Variants in DSCAML1 observed in about 807,000 individuals in gnomAD.
DSCAML1 encodes the protein DS cell adhesion molecule like 1.
A neutral mutation model predicts 200.5 loss-of-function variants in DSCAML1; 38 were observed. The observed-to-expected ratio is 0.19, with a 90% CI of 0.15 to 0.25. The LOEUF is 0.25. Ranked by LOEUF, DSCAML1 falls within the 10% of genes least tolerant of loss-of-function variation. The pLI, the probability that DSCAML1 is intolerant of heterozygous loss-of-function variation, is 1.00. For missense variants in DSCAML1, 2,223 were observed against 2,858.8 expected (o/e 0.78, Z 5.07); for synonymous variants, 1,215 against 1,165.0 (o/e 1.04, Z -0.87).
chr11:117,502,887 G>A lies in DSCAML1; in HGVS notation c.2359+958C>T, dbSNP rs117589952. Among the ~76,000 whole-genome samples the A allele has an allele frequency of 8.0e-4, 104 of 130,278 alleles. No individual in the cohort carries two copies. In the East Asian group the frequency reaches 0.021, roughly 27 times the overall value. 85.5% of individuals were successfully genotyped at this position (130,278 alleles called of 152,430 possible). On this transcript the variant is annotated intron_variant, in intron 11 of 32. Coordinates refer to ENST00000651296, the MANE Select transcript of DSCAML1 (RefSeq NM_020693.4). ...GTAGATCAGGAAAATGAAGTAGCAC[G>A]AGGCCAAGTATGCTCATCAAGGTCC...
Position 117,524,793 on chromosome 11 carries a change from TC to T in DSCAML1, c.937+11del. 1 of 1,566,546 alleles carries T rather than the reference TC, an allele frequency of 6.4e-7. No individual in the cohort carries two copies. On this transcript the variant is annotated intron_variant, in intron 5 of 32. Coordinates refer to ENST00000651296, the MANE Select transcript of DSCAML1 (RefSeq NM_020693.4). ...GGTTACTGGGGCTGCAGAAGGGGCT[TC>T]CCCGACTCACCAATGACCATGAGGA...
At chr11:117,455,846 GT>G (rs11327075) in intron 19 of DSCAML1, among the ~76,000 whole-genome samples, 85,032 of 151,244 alleles carry the variant, frequency 0.56, 24,027 homozygotes, top group African/African-American at 0.6. Context: ...AGCTGGGGTG[GT>G]TGTGGAGGAC....
intron 3 of DSCAML1, among the ~76,000 whole-genome samples, chr11:117,656,199 C>T (rs1322867668): frequency 2.6e-5 from 4 of 152,246 alleles, no homozygotes. Flanking sequence ...GATCACGCCA[C>T]TGCACTCCAG....
chr11:117,532,581 A>G (rs1009770323), intron 3 of DSCAML1, 59 bp from the exon 4 acceptor site: 4 of 1,535,420 alleles, frequency 2.6e-6, no homozygotes, highest in Admixed American at 1.9e-5. Context: ...CCTCAGAGGC[A>G]GGGTAGCGTC....
In DSCAML1 at chr11:117,595,059, TACAC is replaced by T. The variant is rs374932790; in HGVS notation, c.512-62541_512-62538del. On this transcript the variant is annotated intron_variant, in intron 3 of 32. Coordinates refer to ENST00000651296, the MANE Select transcript of DSCAML1 (RefSeq NM_020693.4). ...TATAATGATTACTCTGTCTTTCTCT[TACAC>T]ACACACACACACACACACACACACA... Among the ~76,000 whole-genome samples the T allele has an allele frequency of 2.2e-3, 316 of 143,890 alleles. 7 individuals carry two copies. The South Asian group carries it at 0.043, about 19-fold the overall frequency. 94.4% of individuals were successfully genotyped at this position (143,890 alleles called of 152,430 possible). A position where few individuals can be genotyped will look rare whatever the true frequency, so the allele number is the denominator to read the frequency against.
rs12420419 is a variant in DSCAML1 at position 117,638,811 on chromosome 11, T to C, written c.512-106289A>G. On this transcript the variant is annotated intron_variant, in intron 3 of 32. Coordinates refer to ENST00000651296, the MANE Select transcript of DSCAML1 (RefSeq NM_020693.4). ...GGACATTTGTGTTGTTTCTGCTTTT[T>C]GGCTATTAAAAATAATGCTGCTGTG... Among the ~76,000 whole-genome samples, 1,214 of 152,364 alleles carry C rather than the reference T, an allele frequency of 8.0e-3. 16 individuals carry two copies. The highest frequency in any genetic ancestry group is 0.032 in the Admixed American group (485 of 15,306).
At chr11:117,529,255 T>C (rs1416821238) in intron 4 of DSCAML1, among the ~76,000 whole-genome samples, 1 of 152,114 alleles carries the variant, frequency 6.6e-6, no homozygotes, top group Non-Finnish European at 1.5e-5. Flanking sequence ...CGTTTGTATT[T>C]TTAGTAAAGA....
rs118002731 is a variant in DSCAML1 at position 117,777,555 on chromosome 11, C to T, written c.365-618G>A. 1.3e-3 allele frequency among the ~76,000 whole-genome samples: 196 copies of T among 152,316 alleles called. 1 individual carries two copies. The highest frequency in any genetic ancestry group is 2.2e-3 in the Non-Finnish European group (150 of 68,024). On this transcript the variant is annotated intron_variant, in intron 2 of 32. Transcript: ENST00000651296. Reference sequence around the variant, plus strand: ...CAAAGGGAGAGAATGTTTGGGACTACGATTGTCTCTGAGCACACAGAATCC... The same window carrying T: ...CAAAGGGAGAGAATGTTTGGGACTATGATTGTCTCTGAGCACACAGAATCC...
intron 3 of DSCAML1, among the ~76,000 whole-genome samples, chr11:117,604,443 G>C (rs537943223): frequency 6.6e-6 from 1 of 151,606 alleles, no homozygotes; most frequent in Non-Finnish European, 1.5e-5. Flanking sequence ...CCTCTCCACC[G>C]AGGCCTGTGT....
chr11:117,713,360 C>T (rs1293448872), intron 3 of DSCAML1, among the ~76,000 whole-genome samples: 1 of 152,216 alleles, frequency 6.6e-6, no homozygotes, highest in Non-Finnish European at 1.5e-5. Flanking sequence ...AGGTAATCCA[C>T]CCGCCTTGAC....
intron 3 of DSCAML1, among the ~76,000 whole-genome samples, chr11:117,760,088 C>T (rs557695030): frequency 1.3e-5 from 2 of 152,252 alleles, no homozygotes; most frequent in East Asian, 1.9e-4. Flanking sequence ...CACTCCCATT[C>T]CCCCAGCCCT....
rs1487114784 is a variant in DSCAML1 at position 117,463,364 on chromosome 11, C to T, written c.3265+1578G>A. ...GGGAACTTATTAGAAATAATACATC[C>T]TTTTTTTTTTTTTTTTAGAGATGGG... On this transcript the variant is annotated intron_variant, in intron 17 of 32. Coordinates refer to ENST00000651296, the MANE Select transcript of DSCAML1 (RefSeq NM_020693.4). The surrounding 1 kb of genome is among the most constrained non-coding windows in gnomAD (Gnocchi z 4.0). Among the ~76,000 whole-genome samples the T allele has an allele frequency of 7.1e-6, 1 of 141,456 alleles. No homozygotes were observed. Among genetic ancestry groups the T allele is most frequent in the Non-Finnish European group, 1.6e-5 (1 of 64,290 alleles). The allele number at this position is 141,456 out of a possible 152,430, so 92.8% of individuals were successfully genotyped here.
At chr11:117,669,140 C>A (rs1012541714) in intron 3 of DSCAML1, among the ~76,000 whole-genome samples, 13 of 152,190 alleles carry the variant, frequency 8.5e-5, no homozygotes, top group African/African-American at 3.1e-4. Context: ...AAATGCAAAT[C>A]CGACAATTAC....
intron 1 of DSCAML1, among the ~76,000 whole-genome samples, chr11:117,786,828 T>C (rs143834715): frequency 1.2e-3 from 188 of 152,272 alleles, no homozygotes; most frequent in Middle Eastern, 3.4e-3. Flanking sequence ...CTGCCAGCAC[T>C]GGGGCCCCTG....
In DSCAML1 at chr11:117,518,663, G is replaced by A. The variant is rs762502300; in HGVS notation, c.1313C>T (p.Thr438Met). 6.2e-6 allele frequency: 10 copies of A among 1,613,230 alleles called. No individual in the cohort carries two copies. In the Middle Eastern group the frequency reaches 6.6e-4, roughly 106 times the overall value. ...MCAAKGAPPP[T>M]VTWALDDEPI... ...CTCATCGTCGAGGGCCCAGGTGACC[G>A]TGGGGGGCGGGGCGCCCTTGGCCGC... Residue 438 changes from threonine (T) to methionine (M), a missense_variant, in exon 7 of 33, where the codon ACG (threonine) becomes ATG (methionine). By Grantham distance (81) the Thr-to-Met change is moderately conservative. Around this residue, in one of 7 missense-constraint regions of DSCAML1, gnomAD observed 579 missense variants for 721.5 expected, o/e 0.80. Coordinates refer to ENST00000651296, the MANE Select transcript of DSCAML1 (RefSeq NM_020693.4). The surrounding 1 kb of genome is among the most constrained non-coding windows in gnomAD (Gnocchi z 6.3).
chr11:117,736,271 C>T (rs1157249534), intron 3 of DSCAML1, among the ~76,000 whole-genome samples: 1 of 152,158 alleles, frequency 6.6e-6, no homozygotes, highest in Non-Finnish European at 1.5e-5. Flanking sequence ...CAGGTGTCTG[C>T]GTCGGGCCTT....
chr11:117,485,791 C>CA (rs1460237713), intron 11 of DSCAML1, among the ~76,000 whole-genome samples: 7 of 152,340 alleles, frequency 4.6e-5, no homozygotes, highest in African/African-American at 1.7e-4. Context: ...GGCCTGAAGA[C>CA]AGACTGTGGT....
At chr11:117,727,634 C>G (rs2054154785) in intron 3 of DSCAML1, among the ~76,000 whole-genome samples, 1 of 148,838 alleles carries the variant, frequency 6.7e-6, no homozygotes. Flanking sequence ...ATCAGGAGTC[C>G]CCACATGAAT....
intron 14 of DSCAML1, among the ~76,000 whole-genome samples, chr11:117,474,468 T>C (rs1056852957): frequency 7.9e-5 from 12 of 152,138 alleles, no homozygotes; most frequent in African/African-American, 2.4e-4. Context: ...ATGCATTCTA[T>C]TTTCATCTCT....
Sources: allele counts gnomAD v4.1 joint callset (sites outside exome capture counted in the v4.1 genomes callset), GRCh38; gene constraint gnomAD v4.1.1; regional missense constraint gnomAD v4.1.1; non-coding constraint Gnocchi (gnomAD v3.1); transcripts MANE v1.5; gene names NCBI Gene and HGNC (gene_info 2026-07-23, HGNC 2026-07-21).